CCDC66: variants seen among roughly 807,000 people sequenced by gnomAD.
CCDC66 encodes the protein coiled-coil domain containing 66.
In CCDC66, 133 loss-of-function variants were observed where a neutral mutation model predicts 128.3. The observed-to-expected ratio is 1.04, with a 90% CI of 0.90 to 1.20. CCDC66 has a LOEUF of 1.20. CCDC66 is among the 50% of genes most tolerant of loss of function. The pLI, the probability that CCDC66 is intolerant of heterozygous loss-of-function variation, is 0.00. For synonymous variants in CCDC66, 387 were observed against 357.0 expected (o/e 1.08, Z -0.95); for missense variants, 1,126 against 1,075.5 (o/e 1.05, Z -0.66).
At chr3:56,561,491 C>T (rs1263061619) in intron 3 of CCDC66, 1 of 322,606 alleles carries the variant, frequency 3.1e-6, no homozygotes, top group South Asian at 2.8e-5. Context: ...AGAGTAACTA[C>T]TGTGTTCTCA....
intron 7 of CCDC66, among the ~76,000 whole-genome samples, chr3:56,578,628 A>T (rs2067790653): frequency 6.6e-6 from 1 of 151,688 alleles, no homozygotes; most frequent in African/African-American, 2.4e-5. Flanking sequence ...AGGAGTGTTG[A>T]ATTTTGTTGA....
At chr3:56,589,952 TTTAA>T (rs2070570092) in intron 7 of CCDC66, among the ~76,000 whole-genome samples, 1 of 152,188 alleles carries the variant, frequency 6.6e-6, no homozygotes, top group African/African-American at 2.4e-5. Context: ...CCAGAGGGAA[TTTAA>T]TTAATTTTTA....
At chr3:56,590,943 A>G (rs979609813) in intron 7 of CCDC66, among the ~76,000 whole-genome samples, 1 of 152,120 alleles carries the variant, frequency 6.6e-6, no homozygotes, top group African/African-American at 2.4e-5. Flanking sequence ...GGTCAAAACA[A>G]TTGTTACAGT....
rs1023446010 is a variant in CCDC66 at position 56,593,106 on chromosome 3, C to T, written c.1068+5C>T. On this transcript the variant is annotated splice_donor_5th_base_variant and intron_variant, in intron 8 of 17. Coordinates refer to ENST00000394672, the MANE Select transcript of CCDC66 (RefSeq NM_001141947.3). ...GAAAAAATTATATATTCAAAGGTAA[C>T]TTATGAGGTTTTGTGGCTATAAAAG... 6.4e-6 allele frequency: 10 copies of T among 1,569,874 alleles called. No homozygotes were observed. The highest frequency in any genetic ancestry group is 1.2e-5 in the South Asian group (1 of 85,338).
chr3:56,619,780 G>T lies in CCDC66; in HGVS notation c.2639G>T (p.Cys880Phe). 6.2e-7 allele frequency: 1 copy of T among 1,613,906 alleles called. No individual in the cohort carries two copies. The change falls in exon 17 of 18, where the codon TGT (cysteine) becomes TTT (phenylalanine). Residue 880 changes from cysteine (C) to phenylalanine (F), a missense_variant. Cys to Phe is a radical substitution (Grantham distance 205). Transcript: ENST00000394672. Reference protein sequence around the residue: ...QDPQYQNSQDCGQKRQLFDSD... With the variant: ...QDPQYQNSQDFGQKRQLFDSD... ...TGTTACTTTCATCTGGCTTTAGACT[G>T]TGGCCAAAAACGACAGCTATTTGAT...
chr3:56,590,101 C>T (rs1012845953), intron 7 of CCDC66, among the ~76,000 whole-genome samples: 3 of 152,138 alleles, frequency 2.0e-5, no homozygotes, highest in South Asian at 2.1e-4. Context: ...ACCTTTTCTG[C>T]GTGGCCAGTA....
chr3:56,564,218 TAAACTC>T (rs1203154635), intron 4 of CCDC66, 93 bp downstream of exon 4: 2 of 889,348 alleles, frequency 2.2e-6, no homozygotes, highest in Admixed American at 2.8e-5. Flanking sequence ...CTGTGACTCT[TAAACTC>T]TAATTTAACC....
intron 4 of CCDC66, among the ~76,000 whole-genome samples, chr3:56,564,951 C>G (rs2065591147): frequency 6.6e-6 from 1 of 152,182 alleles, no homozygotes; most frequent in Non-Finnish European, 1.5e-5. Context: ...ATTCTAGCAA[C>G]AACCTGCTTA....
chr3:56,584,957 C>T (rs908389633), intron 7 of CCDC66, among the ~76,000 whole-genome samples: 9 of 151,862 alleles, frequency 5.9e-5, no homozygotes, highest in African/African-American at 1.4e-4. Flanking sequence ...TCAGGCGTGG[C>T]GGCACACGCC....
intron 13 of CCDC66, chr3:56,616,274 C>A (rs1578033702): frequency 2.4e-6 from 1 of 409,058 alleles, no homozygotes; most frequent in Non-Finnish European, 4.3e-6. Context: ...GCAACCATTA[C>A]CACAATCAAT....
At chr3:56,619,616 G>A (rs2076076212) in intron 16 of CCDC66, 89 bp downstream of exon 16, 3 of 1,496,254 alleles carry the variant, frequency 2.0e-6, no homozygotes, top group East Asian at 2.3e-5. Flanking sequence ...AGTAATTCCT[G>A]CACTTAGTTC....
At chr3:56,559,534 G>T in intron 2 of CCDC66, 35 bp from the exon 3 acceptor site, 2 of 1,434,356 alleles carry the variant, frequency 1.4e-6, no homozygotes, top group Non-Finnish European at 1.9e-6. Flanking sequence ...TATGCTTTTG[G>T]TGGATAGTTT....
intron 7 of CCDC66, chr3:56,572,346 C>G (rs1227182770): frequency 7.8e-7 from 1 of 1,288,832 alleles, no homozygotes; most frequent in Non-Finnish European, 1.0e-6. Flanking sequence ...GCTCTTCAAG[C>G]ATTCTATCAC....
chr3:56,577,856 G>T (rs1226484496), intron 7 of CCDC66, among the ~76,000 whole-genome samples: 2 of 151,922 alleles, frequency 1.3e-5, no homozygotes, highest in East Asian at 2.0e-4. Flanking sequence ...ACAGCATGAT[G>T]CCTCCAGCTT....
At chr3:56,620,785 A>C (rs1236967597) in intron 17 of CCDC66, 2 of 152,228 alleles carry the variant, frequency 1.3e-5, no homozygotes. Context: ...TTACCCATCA[A>C]TATAGCACCC....
At chr3:56,583,009 C>T (rs1169967415) in intron 7 of CCDC66, among the ~76,000 whole-genome samples, 1 of 151,170 alleles carries the variant, frequency 6.6e-6, no homozygotes, top group Non-Finnish European at 1.5e-5. Flanking sequence ...TTACAAGTAG[C>T]TGGGACTACA....
intron 7 of CCDC66, among the ~76,000 whole-genome samples, chr3:56,578,805 G>A (rs528686357): frequency 4.1e-4 from 62 of 151,850 alleles, no homozygotes; most frequent in African/African-American, 1.4e-3. Context: ...TGCTGGATTC[G>A]GTTTGCCAGT....
chr3:56,598,545 G>A (rs956096931), intron 10 of CCDC66, among the ~76,000 whole-genome samples: 28 of 151,926 alleles, frequency 1.8e-4, no homozygotes, highest in African/African-American at 6.5e-4. Flanking sequence ...GATGTTAGCT[G>A]TGGGTTTGTC....
chr3:56,598,446 G>A (rs2072530644), intron 10 of CCDC66, among the ~76,000 whole-genome samples: 1 of 151,716 alleles, frequency 6.6e-6, no homozygotes, highest in South Asian at 2.1e-4. Context: ...GACTTCTGTT[G>A]CTATGTTGAA....
Sources: allele counts gnomAD v4.1 joint callset (sites outside exome capture counted in the v4.1 genomes callset), GRCh38; gene constraint gnomAD v4.1.1; transcripts MANE v1.5; gene names NCBI Gene and HGNC (gene_info 2026-07-23, HGNC 2026-07-21).